ATG4B: variants seen among roughly 807,000 people sequenced by gnomAD.
ATG4B encodes autophagy related 4B cysteine peptidase.
ATG4B carries 29 observed loss-of-function variants against 56.6 expected under a neutral mutation model. The observed-to-expected ratio is 0.51, with a 90% CI of 0.38 to 0.70. The LOEUF is 0.70. Among genes scored for constraint, ATG4B ranks in the 30% least tolerant of loss-of-function variants. The pLI is 0.00. For synonymous variants in ATG4B, 224 were observed against 206.1 expected, an observed-to-expected ratio of 1.09 and a Z score of -0.74; for missense variants, 461 against 515.5, an observed-to-expected ratio of 0.89 and a Z score of 1.02.
intron 1 of ATG4B, among the ~76,000 whole-genome samples, chr2:241,642,871 C>CTTT (rs1321613822): frequency 0.016 from 1,577 of 98,398 alleles, 405 homozygotes; most frequent in Admixed American, 0.06. Context: ...ACCTCTCCGT[C>CTTT]CTTTTTTTTT....
chr2:241,647,121 T>G (rs1245217008), intron 1 of ATG4B, among the ~76,000 whole-genome samples: 1 of 152,114 alleles, frequency 6.6e-6, no homozygotes, highest in Non-Finnish European at 1.5e-5. Context: ...CAATTTACAA[T>G]GGGTTTATTG....
chr2:241,663,465 C>T (rs1177865007), intron 7 of ATG4B, among the ~76,000 whole-genome samples: 2 of 152,056 alleles, frequency 1.3e-5, no homozygotes, highest in Non-Finnish European at 2.9e-5. Flanking sequence ...AATGTGAAAC[C>T]TCAAAAAAGT....
chr2:241,645,417 A>T (rs2068033243), intron 1 of ATG4B, among the ~76,000 whole-genome samples: 1 of 152,044 alleles, frequency 6.6e-6, no homozygotes, highest in African/African-American at 2.4e-5. Context: ...GTCTCTGTTG[A>T]CCTTGTACTC....
chr2:241,637,719 A>G lies in ATG4B; in HGVS notation c.5A>G (p.Asp2Gly), dbSNP rs1280143683. 6.3e-7 allele frequency: 1 copy of G among 1,582,006 alleles called. No homozygotes were observed. Among genetic ancestry groups the G allele is most frequent in the Non-Finnish European group, 8.6e-7 (1 of 1,166,968 alleles). Residue 2 changes from aspartate to glycine, a missense_variant, in exon 1 of 13, where the codon GAC (aspartate) becomes GGC (glycine). Asp to Gly is a moderately conservative substitution (Grantham distance 94). Coordinates refer to ENST00000404914, the MANE Select transcript of ATG4B (RefSeq NM_013325.5). MDAATLTYDTLR... is the reference protein window; with the variant it reads MGAATLTYDTLR... ...GTCGGCGGCCGGACTGGGAAGATGG[A>G]CGCAGGTGAGGAGTTGCCGGGGGTC...
intron 6 of ATG4B, among the ~76,000 whole-genome samples, chr2:241,656,046 C>A (rs1575073054): frequency 6.6e-6 from 1 of 152,148 alleles, no homozygotes; most frequent in Non-Finnish European, 1.5e-5. Context: ...GGTCTCCTCC[C>A]CACTGGTCTG....
chr2:241,641,056 C>T lies in ATG4B; in HGVS notation c.10+3332C>T, dbSNP rs1212378955. ...TGCAGAGGGGCAAGGGCAGAGGCAG[C>T]GAGACCAGCTAAGAGACTGTTGAAC... On this transcript the variant is annotated intron_variant, in intron 1 of 12. Transcript: ENST00000404914. Among the ~76,000 whole-genome samples the T allele has an allele frequency of 2.6e-5, 4 of 152,260 alleles. No homozygotes were observed. In the East Asian group the frequency reaches 7.7e-4, roughly 29 times the overall value.
intron 5 of ATG4B, chr2:241,654,880 A>T (rs1170368455): frequency 1.7e-6 from 1 of 582,246 alleles, no homozygotes; most frequent in East Asian, 2.9e-5. Flanking sequence ...CCTGCTGTCC[A>T]TGCGGCTTGC....
In ATG4B at chr2:241,668,762, T is replaced by A; in HGVS notation, c.957+77T>A. 1 of 1,502,360 alleles carries A rather than the reference T, an allele frequency of 6.7e-7. No homozygotes were observed. The highest frequency in any genetic ancestry group is 1.3e-5 in the South Asian group (1 of 77,756). 93.1% of individuals were successfully genotyped at this position (1,502,360 alleles called of 1,614,324 possible). A position where few individuals can be genotyped will look rare whatever the true frequency, so the allele number is the denominator to read the frequency against. ...GGAATGACGAGGAAAACTTTCGGAT[T>A]TTTGCGTTTTTTTTTTCAGCATGTT... On this transcript the variant is annotated intron_variant, in intron 10 of 12. Transcript: ENST00000404914. The surrounding 1 kb of genome is among the most constrained non-coding windows in gnomAD (Gnocchi z 4.2).
rs914675203 is a variant in ATG4B, at chr2:241,667,799, C to T, written c.733-344C>T. On this transcript the variant is annotated intron_variant, in intron 8 of 12. Transcript: ENST00000404914. The stretch of plus-strand genomic sequence containing the variant: ...GGTCTCAGCTGCCCCCACACATAGG[C>T]CCCGTCTCCATCGCTTCTGCCCTGT... 1.3e-4 allele frequency: 32 copies of T among 254,406 alleles called. No homozygotes were observed. The Admixed American group carries it at 1.6e-3, about 13-fold the overall frequency. The allele number at this position is 254,406 out of a possible 1,614,324, so 15.8% of individuals were successfully genotyped here. A position where few individuals can be genotyped will look rare whatever the true frequency, so the allele number is the denominator to read the frequency against.
chr2:241,662,291 G>A (rs1315888444), intron 7 of ATG4B, among the ~76,000 whole-genome samples: 1 of 152,164 alleles, frequency 6.6e-6, no homozygotes, highest in African/African-American at 2.4e-5. Flanking sequence ...TTGAAGAAAG[G>A]CAGTCTCAAC....
rs150088176 is a variant in ATG4B, at chr2:241,666,539, C to T, written c.539-106C>T. On this transcript the variant is annotated intron_variant, in intron 7 of 12. Coordinates refer to ENST00000404914, the MANE Select transcript of ATG4B (RefSeq NM_013325.5). ...TTTGAATTTCACTGTAAGCACCTGG[C>T]TTTGTACCGCCCTTTTTCTGTTACA... 1.3e-3 allele frequency: 1,576 copies of T among 1,221,730 alleles called. 22 individuals are homozygous for T. The African/African-American group carries it at 0.021, about 16-fold the overall frequency. 75.7% of individuals were successfully genotyped at this position (1,221,730 alleles called of 1,614,324 possible).
At chr2:241,643,853 G>A (rs2067985194) in intron 1 of ATG4B, among the ~76,000 whole-genome samples, 1 of 151,924 alleles carries the variant, frequency 6.6e-6, no homozygotes, top group African/African-American at 2.4e-5. Context: ...GTGAGCCACT[G>A]CACCCGGCGA....
chr2:241,659,033 G>A (rs1323460651), intron 6 of ATG4B, 75 bp from the exon 7 acceptor site: 15 of 1,175,512 alleles, frequency 1.3e-5, no homozygotes, highest in Middle Eastern at 2.3e-4. Flanking sequence ...ACCCTCCTTC[G>A]CGCAGCTATA....
At chr2:241,639,518 C>G (rs188209503) in intron 1 of ATG4B, among the ~76,000 whole-genome samples, 101 of 152,352 alleles carry the variant, frequency 6.6e-4, no homozygotes, top group African/African-American at 2.2e-3. Flanking sequence ...TTTGTACTTG[C>G]ATTCATTGGG....
At chr2:241,663,072 C>G (rs1455018547) in intron 7 of ATG4B, among the ~76,000 whole-genome samples, 1 of 151,684 alleles carries the variant, frequency 6.6e-6, no homozygotes, top group Non-Finnish European at 1.5e-5. Flanking sequence ...CCCATGTCTA[C>G]TAAAAAAAAA....
chr2:241,643,244 G>A (rs1421456136), intron 1 of ATG4B, among the ~76,000 whole-genome samples: 9 of 151,298 alleles, frequency 5.9e-5, no homozygotes, highest in Non-Finnish European at 8.8e-5. Context: ...TCACTTCATC[G>A]CTCAGACTGG....
At position 241,651,325 on chromosome 2, in the gene ATG4B, TC is replaced by T; in HGVS notation, c.176del (p.Pro59GlnfsTer23). 6.3e-7 allele frequency: 1 copy of T among 1,596,810 alleles called. No homozygotes were observed. The highest frequency in any genetic ancestry group is 8.5e-7 in the Non-Finnish European group (1 of 1,170,742). On this transcript the variant is annotated frameshift_variant, in exon 3 of 13. Coordinates refer to ENST00000404914, the MANE Select transcript of ATG4B (RefSeq NM_013325.5). LOFTEE classifies it high-confidence loss of function. This position sits in a 1 kb window ranked among gnomAD's most constrained non-coding sequence, Gnocchi z 4.1. ...TTTGGTTTACATACAGGAAAAACTT[TC>T]CAGCCATTGGTAAGTACTCTGTTTT... is the stretch of plus-strand genomic sequence containing the variant. ...RLWFTYRKNF[P>X]AIGGTGPTSD...
At chr2:241,639,743 AT>A (rs1316312408) in intron 1 of ATG4B, among the ~76,000 whole-genome samples, 1 of 152,088 alleles carries the variant, frequency 6.6e-6, no homozygotes, top group Non-Finnish European at 1.5e-5. Flanking sequence ...GTGTGTGCTG[AT>A]TTGTCTGTGA....
chr2:241,672,006 C>T, intron 12 of ATG4B, 185 bp from the exon 13 acceptor site: 1 of 1,426,694 alleles, frequency 7.0e-7, no homozygotes, highest in Non-Finnish European at 9.1e-7. Context: ...TGCTCCTCTT[C>T]TCTGCTCCCT....
Sources: allele counts gnomAD v4.1 joint callset (sites outside exome capture counted in the v4.1 genomes callset), GRCh38; gene constraint gnomAD v4.1.1; non-coding constraint Gnocchi (gnomAD v3.1); transcripts MANE v1.5; gene names NCBI Gene and HGNC (gene_info 2026-07-23, HGNC 2026-07-21).